Variants in C16orf74 observed in about 807,000 individuals in gnomAD.
The protein encoded by C16orf74 is uncharacterized protein C16orf74.
In C16orf74, 10 loss-of-function variants were observed where a neutral mutation model predicts 6.5. The ratio of observed to expected loss-of-function variants is 1.54; its 90% CI spans 0.95 to 2.61. The LOEUF (loss-of-function observed/expected upper bound fraction) is 2.61. Ranked by LOEUF, C16orf74 falls within the 30% of genes most tolerant of loss-of-function variation. The pLI is 0.00. For missense variants in C16orf74, 141 were observed against 105.9 expected (o/e 1.33, Z -1.45); for synonymous variants, 60 against 42.5 (o/e 1.41, Z -1.60).
chr16:85,736,052 G>A (rs796458294), intron 1 of C16orf74, among the ~76,000 whole-genome samples: 1 of 152,248 alleles, frequency 6.6e-6, no homozygotes, highest in African/African-American at 2.4e-5. Flanking sequence ...CCCTAGGCTG[G>A]GGCCCCACCC....
At chr16:85,710,634 CCCACTCTCCACAGCGCTCCAGCCT>C (rs1369623014) in intron 2 of C16orf74, 1 of 301,762 alleles carries the variant, frequency 3.3e-6, no homozygotes, top group Non-Finnish European at 6.1e-6. Context: ...GCCACCAGCC[CCCACTCTCCACAGCGCTCCAGCCT>C]CCACTCTCCA....
chr16:85,733,129 T>C (rs1299410965), intron 2 of C16orf74, among the ~76,000 whole-genome samples: 1 of 152,080 alleles, frequency 6.6e-6, no homozygotes, highest in Non-Finnish European at 1.5e-5. Flanking sequence ...CCTGACACAA[T>C]CGCCAAAAGG....
chr16:85,734,074 C>T (rs1449747239), intron 2 of C16orf74, among the ~76,000 whole-genome samples: 1 of 152,222 alleles, frequency 6.6e-6, no homozygotes, highest in Non-Finnish European at 1.5e-5. Flanking sequence ...TTCCTGTGGG[C>T]TCCCCTCGGC....
chr16:85,720,489 C>G (rs935452983), intron 2 of C16orf74, among the ~76,000 whole-genome samples: 4 of 152,088 alleles, frequency 2.6e-5, no homozygotes, highest in Non-Finnish European at 4.4e-5. Context: ...GGTCCAGGGT[C>G]GGGCACAGTG....
At chr16:85,708,221 C>T (rs565282225) in intron 3 of C16orf74, among the ~76,000 whole-genome samples, 155 bp from the exon 4 acceptor site, 41 of 152,350 alleles carry the variant, frequency 2.7e-4, no homozygotes, top group Admixed American at 1.1e-3. Context: ...ATGCTGGATC[C>T]TTCTGGGTGA....
chr16:85,721,739 G>C (rs381964), intron 2 of C16orf74, among the ~76,000 whole-genome samples: 57,129 of 152,062 alleles, frequency 0.38, 11,260 homozygotes, highest in African/African-American at 0.49. Context: ...GCTGGCGCTG[G>C]CACTCCTGGC....
intron 2 of C16orf74, among the ~76,000 whole-genome samples, chr16:85,721,057 C>A (rs1165466390): frequency 6.6e-6 from 1 of 152,132 alleles, no homozygotes; most frequent in Non-Finnish European, 1.5e-5. Flanking sequence ...CGCCACTGCA[C>A]CCTAGCCTAG....
At chr16:85,742,429 G>C (rs1294899736) in intron 1 of C16orf74, among the ~76,000 whole-genome samples, 1 of 152,068 alleles carries the variant, frequency 6.6e-6, no homozygotes, top group South Asian at 2.1e-4. Context: ...CCACCCTCTC[G>C]CCACATGATC....
intron 1 of C16orf74, among the ~76,000 whole-genome samples, chr16:85,735,720 T>C (rs2054237218): frequency 6.8e-6 from 1 of 147,924 alleles, no homozygotes; most frequent in Non-Finnish European, 1.5e-5. Flanking sequence ...TCTTTGGAGA[T>C]CTGACAGCCT....
intron 1 of C16orf74, among the ~76,000 whole-genome samples, chr16:85,742,180 C>G (rs1042977846): frequency 3.9e-5 from 6 of 152,158 alleles, no homozygotes; most frequent in Non-Finnish European, 8.8e-5. Flanking sequence ...TGAGACCAGC[C>G]TGGCCAACAT....
chr16:85,708,036 T>A lies in C16orf74; in HGVS notation c.203A>T (p.Asp68Val). 3 of 1,553,380 alleles carry A rather than the reference T, an allele frequency of 1.9e-6. No homozygotes were observed. Among genetic ancestry groups the A allele is most frequent in the Non-Finnish European group, 2.6e-6 (3 of 1,147,860 alleles). The part of the protein sequence containing the change: ...VWLDETGSCP[D>V]DGEIDPEA ...GGCTTCTGGGTCGATTTCTCCATCATCTGGGCACGACCCTGTCTCATCCAG... is the reference window on the plus strand; with the variant it reads ...GGCTTCTGGGTCGATTTCTCCATCAACTGGGCACGACCCTGTCTCATCCAG... The change falls in exon 4 of 4, where the codon GAT becomes GTT. Residue 68 changes from aspartate to valine, a missense_variant. Physicochemically the swap from Asp to Val is radical, Grantham distance 152 (BLOSUM62 -3). Transcript: ENST00000284245.
At chr16:85,744,411 G>A (rs544208967) in intron 1 of C16orf74, among the ~76,000 whole-genome samples, 9 of 152,122 alleles carry the variant, frequency 5.9e-5, no homozygotes, top group African/African-American at 2.2e-4. Flanking sequence ...TTGCAGGGGT[G>A]TGAAAAACTT....
chr16:85,733,367 G>A (rs1280207936), intron 2 of C16orf74, among the ~76,000 whole-genome samples: 2 of 152,160 alleles, frequency 1.3e-5, no homozygotes, highest in Non-Finnish European at 2.9e-5. Context: ...GAGACAGGAA[G>A]TAGAATGGTG....
chr16:85,714,626 G>C (rs1289015224), intron 2 of C16orf74, among the ~76,000 whole-genome samples: 1 of 151,042 alleles, frequency 6.6e-6, no homozygotes, highest in East Asian at 2.0e-4. Flanking sequence ...CACCATATTG[G>C]CCAGGCTGGT....
At position 85,737,159 on chromosome 16, in the gene C16orf74, T is replaced by C. The variant is rs778976263; in HGVS notation, c.-18-1924A>G. ...GGACAGAGGAGAAGTCCGAACAATG[T>C]CAGCTGCTGCTGTCCCTCCTGACAG... On this transcript the variant is annotated intron_variant, in intron 1 of 3. Coordinates refer to ENST00000284245, the MANE Select transcript of C16orf74 (RefSeq NM_206967.3). Among the ~76,000 whole-genome samples, 13 of 152,252 alleles carry C rather than the reference T, an allele frequency of 8.5e-5. 1 individual carries two copies. The South Asian group carries it at 1.0e-3, about 12-fold the overall frequency.
At chr16:85,710,645 C>A in intron 2 of C16orf74, 1 of 270,670 alleles carries the variant, frequency 3.7e-6, no homozygotes, top group Non-Finnish European at 6.9e-6. Context: ...CCACTCTCCA[C>A]AGCGCTCCAG....
intron 2 of C16orf74, among the ~76,000 whole-genome samples, chr16:85,726,820 T>C (rs1282996053): frequency 5.3e-5 from 8 of 152,180 alleles, no homozygotes; most frequent in East Asian, 3.9e-4. Flanking sequence ...TCCGGCGTTG[T>C]GGCCCCTCCA....
At chr16:85,740,325 A>T (rs419006) in intron 1 of C16orf74, among the ~76,000 whole-genome samples, 59,385 of 147,948 alleles carry the variant, frequency 0.4, 12,134 homozygotes, top group Middle Eastern at 0.54. Context: ...GAGGCTGAGG[A>T]GGGCAGATCA....
At chr16:85,714,700 G>C (rs1048497305) in intron 2 of C16orf74, among the ~76,000 whole-genome samples, 1 of 151,406 alleles carries the variant, frequency 6.6e-6, no homozygotes, top group East Asian at 2.0e-4. Context: ...TTACAGGCAT[G>C]AGCCACCGTG....
Sources: gnomAD v4.1 joint callset for allele counts (sites outside exome capture counted in the v4.1 genomes callset) on GRCh38, gnomAD v4.1.1 for gene constraint, MANE v1.5 for transcripts, NCBI Gene and HGNC (gene_info 2026-07-23, HGNC 2026-07-21) for gene names.